Variants in SAFB observed in about 807,000 individuals in gnomAD.
SAFB encodes scaffold attachment factor B1.
SAFB carries 15 observed loss-of-function variants against 101.6 expected under a neutral mutation model. The ratio of observed to expected loss-of-function variants is 0.15; its 90% confidence interval spans 0.10 to 0.23. The LOEUF is 0.23. SAFB is among the 10% of genes least tolerant of loss of function. The pLI, the probability that SAFB is intolerant of heterozygous loss-of-function variation, is 1.00. For missense variants in SAFB, 930 were observed against 1,104.1 expected (o/e 0.84, Z 2.23); for synonymous variants, 449 against 407.5 (o/e 1.10, Z -1.23).
At chr19:5,638,469 C>A (rs952235579) in intron 2 of SAFB, among the ~76,000 whole-genome samples, 3 of 151,938 alleles carry the variant, frequency 2.0e-5, no homozygotes, top group African/African-American at 4.8e-5. Flanking sequence ...ATTACAGGCA[C>A]CTGCCACCAT....
intron 2 of SAFB, among the ~76,000 whole-genome samples, chr19:5,636,416 T>G (rs1057363748): frequency 6.6e-6 from 1 of 152,048 alleles, no homozygotes; most frequent in Non-Finnish European, 1.5e-5. Flanking sequence ...CCAGCTGTTT[T>G]TTAGACCTCG....
chr19:5,667,104 G>C lies in SAFB; in HGVS notation c.2393G>C (p.Trp798Ser). 3.1e-6 allele frequency: 5 copies of C among 1,609,886 alleles called. No individual in the cohort carries two copies. Among genetic ancestry groups the C allele is most frequent in the Non-Finnish European group, 3.4e-6 (4 of 1,176,982 alleles). ...CACGGCCGGGACTCCCGCGATGGCT[G>C]GGGGGGCTATGGCTCTGACAAGAGG... ...ERHGRDSRDG[W>S]GGYGSDKRMS... The change falls in exon 18 of 21, where the codon TGG becomes TCG. Residue 798 changes from tryptophan to serine, a missense_variant. This residue lies in a region of SAFB where 318 missense variants were observed against 342.6 expected (regional missense o/e 0.93). Coordinates refer to ENST00000588852, the MANE Select transcript of SAFB (RefSeq NM_001201338.2). The surrounding 1 kb of genome is among the most constrained non-coding windows in gnomAD (Gnocchi z 4.0).
intron 9 of SAFB, among the ~76,000 whole-genome samples, chr19:5,651,596 C>T (rs2053939575): frequency 6.6e-6 from 1 of 152,202 alleles, no homozygotes. Flanking sequence ...GGCCTCTTGT[C>T]TGCAGCACCT....
intron 17 of SAFB, chr19:5,664,802 G>A (rs1213296246): frequency 7.4e-6 from 2 of 271,472 alleles, no homozygotes; most frequent in Admixed American, 9.9e-5. Context: ...GGAGGCTGTG[G>A]TTGCTGTGTC....
At chr19:5,635,009 G>A (rs991272553) in intron 2 of SAFB, among the ~76,000 whole-genome samples, 1 of 152,034 alleles carries the variant, frequency 6.6e-6, no homozygotes, top group East Asian at 1.9e-4. Flanking sequence ...GTGGTGGCAC[G>A]TGCCGGTAAT....
At chr19:5,652,317 A>AC (rs904447277) in intron 9 of SAFB, among the ~76,000 whole-genome samples, 38 of 151,982 alleles carry the variant, frequency 2.5e-4, no homozygotes, top group African/African-American at 8.9e-4. Flanking sequence ...CCCCTACTAG[A>AC]CCCCCTTTCC....
chr19:5,666,837 T>C (rs887383115), intron 17 of SAFB: 1 of 647,084 alleles, frequency 1.5e-6, no homozygotes, highest in Non-Finnish European at 2.8e-6. Flanking sequence ...TACTAGTACC[T>C]TTTTTGTACC....
At position 5,653,430 on chromosome 19, in the gene SAFB, C is replaced by T. The variant is rs762229297; in HGVS notation, c.1526+10C>T. On this transcript the variant is annotated intron_variant, in intron 11 of 20. Transcript: ENST00000588852. Reference sequence around the variant, plus strand: ...CGAGCAACAGTGACAGGTACCCCTCCTTCCTGGCTAAATTAAAGGGGCAGG... The same window carrying T: ...CGAGCAACAGTGACAGGTACCCCTCTTTCCTGGCTAAATTAAAGGGGCAGG... 1.9e-6 allele frequency: 3 copies of T among 1,611,980 alleles called. No individual in the cohort carries two copies. The highest frequency in any genetic ancestry group is 2.2e-5 in the East Asian group (1 of 44,886).
In SAFB at chr19:5,663,159, C is replaced by T. The variant is rs189636188; in HGVS notation, c.2154-863C>T. On this transcript the variant is annotated intron_variant, in intron 15 of 20. Coordinates refer to ENST00000588852, the MANE Select transcript of SAFB (RefSeq NM_001201338.2). ...CTAGGATTATAGGCATGTGCTACCACACCCGGCTAATTTTTTGCATTTTTA... is the reference window on the plus strand; with the variant it reads ...CTAGGATTATAGGCATGTGCTACCATACCCGGCTAATTTTTTGCATTTTTA... Among the ~76,000 whole-genome samples the T allele has an allele frequency of 2.0e-5, 3 of 152,144 alleles. No homozygotes were observed. In the East Asian group the frequency reaches 5.8e-4, roughly 29 times the overall value.
intron 9 of SAFB, among the ~76,000 whole-genome samples, chr19:5,651,753 C>G (rs1466047975): frequency 6.6e-6 from 1 of 152,216 alleles, no homozygotes. Flanking sequence ...CAGCCTCCTG[C>G]ATTCAGGGCT....
intron 2 of SAFB, among the ~76,000 whole-genome samples, chr19:5,640,024 G>A (rs1411706444): frequency 6.6e-6 from 1 of 151,684 alleles, no homozygotes; most frequent in Non-Finnish European, 1.5e-5. Flanking sequence ...TTGTTTTTTT[G>A]GTTTTTTTTA....
rs149257603 is a variant in SAFB at position 5,654,050 on chromosome 19, G to C, written c.1527-11G>C. The C allele has an allele frequency of 1.2e-6, 2 of 1,613,694 alleles. No individual in the cohort carries two copies. The highest frequency in any genetic ancestry group is 1.1e-5 in the South Asian group (1 of 91,060). Reference sequence around the variant, plus strand: ...GCCACCACGCCCAGCCAACATGTCTGTTTTTTATAGATCTACAAACCTTAA... The same window carrying C: ...GCCACCACGCCCAGCCAACATGTCTCTTTTTTATAGATCTACAAACCTTAA... On this transcript the variant is annotated splice_polypyrimidine_tract_variant and intron_variant, in intron 11 of 20. Transcript: ENST00000588852.
rs556289200 is a variant in SAFB at position 5,629,831 on chromosome 19, G to A, written c.274+3342G>A. Among the ~76,000 whole-genome samples the A allele has an allele frequency of 1.5e-3, 230 of 152,292 alleles. 2 individuals carry two copies. In the South Asian group the frequency reaches 0.028, roughly 19 times the overall value. On this transcript the variant is annotated intron_variant, in intron 2 of 20. Coordinates refer to ENST00000588852, the MANE Select transcript of SAFB (RefSeq NM_001201338.2). ...CTAGCACTTTGGGAGGCTGAGGTGG[G>A]CGGATCAAAAGATCAGCCTGGCCAA...
intron 4 of SAFB, among the ~76,000 whole-genome samples, chr19:5,644,656 C>T (rs1163436485): frequency 2.6e-5 from 4 of 152,174 alleles, no homozygotes; most frequent in African/African-American, 9.7e-5. Flanking sequence ...CTGAAAACGT[C>T]TCCCCCTAAG....
intron 2 of SAFB, among the ~76,000 whole-genome samples, chr19:5,638,431 G>A (rs905098828): frequency 6.6e-6 from 1 of 151,054 alleles, no homozygotes; most frequent in South Asian, 2.1e-4. Context: ...CGATTCTCCT[G>A]CGTCAACCCC....
At position 5,640,450 on chromosome 19, in the gene SAFB, C is replaced by G. The variant is rs375283037; in HGVS notation, c.275-1144C>G. ...GTGTGATCTCGGCTAACTGCAACCT[C>G]TGCCTCCCGGATTCAAGCGATTCTC... is the stretch of plus-strand genomic sequence containing the variant. On this transcript the variant is annotated intron_variant, in intron 2 of 20. Transcript: ENST00000588852. Among the ~76,000 whole-genome samples, 523 of 143,922 alleles carry G rather than the reference C, an allele frequency of 3.6e-3. 5 individuals carry two copies. Among genetic ancestry groups the G allele is most frequent in the African/African-American group, 0.013 (512 of 38,052 alleles). 94.4% of individuals were successfully genotyped at this position (143,922 alleles called of 152,430 possible).
At chr19:5,658,198 A>G (rs2054108332) in intron 14 of SAFB, among the ~76,000 whole-genome samples, 2 of 151,924 alleles carry the variant, frequency 1.3e-5, no homozygotes, top group Non-Finnish European at 2.9e-5. Flanking sequence ...GGGTTTGGCC[A>G]TGTTGGCCAG....
intron 14 of SAFB, among the ~76,000 whole-genome samples, chr19:5,659,800 A>G (rs1011782675): frequency 2.0e-5 from 3 of 151,986 alleles, no homozygotes; most frequent in South Asian, 4.1e-4. Flanking sequence ...GGGGGCCCCC[A>G]CAGGAGCCTG....
At chr19:5,641,502 A>C in intron 2 of SAFB, 92 bp from the exon 3 acceptor site, 1 of 1,042,750 alleles carries the variant, frequency 9.6e-7, no homozygotes, top group Non-Finnish European at 1.5e-6. Context: ...TCAGATGTTT[A>C]TAAAGTGACC....
Sources: allele counts gnomAD v4.1 joint callset (sites outside exome capture counted in the v4.1 genomes callset), GRCh38; gene constraint gnomAD v4.1.1; regional missense constraint gnomAD v4.1.1; non-coding constraint Gnocchi (gnomAD v3.1); transcripts MANE v1.5; gene names NCBI Gene and HGNC (gene_info 2026-07-23, HGNC 2026-07-21).